SLC24A2: variants seen among roughly 807,000 people sequenced by gnomAD.
SLC24A2 encodes the protein sodium/potassium/calcium exchanger 2.
SLC24A2 carries 36 observed loss-of-function variants against 62.0 expected under a neutral mutation model. The observed-to-expected ratio is 0.58, with a 90% confidence interval of 0.44 to 0.77. SLC24A2 has a LOEUF of 0.77. Among genes scored for constraint, SLC24A2 ranks in the 30% least tolerant of loss-of-function variants. The pLI, the probability that SLC24A2 is intolerant of heterozygous loss-of-function variation, is 0.00. For missense variants in SLC24A2, 846 were observed against 817.9 expected (o/e 1.03, Z -0.42); for synonymous variants, 358 against 294.0 (o/e 1.22, Z -2.23).
the SLC24A2 span, among the ~76,000 whole-genome samples, chr9:20,028,644 C>T: frequency 2.6e-5 from 4 of 152,178 alleles, no homozygotes; most frequent in African/African-American, 7.2e-5. Context: ...CTTCTGCCCC[C>T]GCCTTGCAGA....
At chr9:20,040,929 C>G in the SLC24A2 span, among the ~76,000 whole-genome samples, 1 of 152,224 alleles carries the variant, frequency 6.6e-6, no homozygotes, top group Non-Finnish European at 1.5e-5. Context: ...GTCACACAAC[C>G]TATATGAAGG....
intron 5 of SLC24A2, among the ~76,000 whole-genome samples, chr9:19,591,674 G>T (rs892300432): frequency 6.6e-6 from 1 of 152,198 alleles, no homozygotes; most frequent in African/African-American, 2.4e-5. Flanking sequence ...AGGTGCCCTT[G>T]AGGTTACAAA....
the SLC24A2 span, among the ~76,000 whole-genome samples, chr9:20,079,892 TA>T: frequency 1.3e-5 from 2 of 152,142 alleles, no homozygotes; most frequent in African/African-American, 4.8e-5. Context: ...ACAAAGAGAA[TA>T]AAATACCTAG....
intron 2 of SLC24A2, among the ~76,000 whole-genome samples, chr9:19,735,704 T>C (rs1296330925): frequency 2.6e-5 from 4 of 152,142 alleles, no homozygotes; most frequent in African/African-American, 7.2e-5. Context: ...TCATGTCCTT[T>C]GTAGGGACAT....
chr9:20,150,882 C>G, the SLC24A2 span, among the ~76,000 whole-genome samples: 1 of 151,846 alleles, frequency 6.6e-6, no homozygotes, highest in Non-Finnish European at 1.5e-5. Context: ...ATAAAACACA[C>G]TGAAACATAA....
chr9:20,012,566 G>A, the SLC24A2 span, among the ~76,000 whole-genome samples: 1 of 151,740 alleles, frequency 6.6e-6, no homozygotes. Flanking sequence ...ACAATAAAAG[G>A]CAACATCATA....
At chr9:19,819,321 A>C in the SLC24A2 span, among the ~76,000 whole-genome samples, 1 of 152,184 alleles carries the variant, frequency 6.6e-6, no homozygotes, top group African/African-American at 2.4e-5. Flanking sequence ...CCCCAAAGCA[A>C]ATGCAATAAA....
chr9:19,895,752 G>C, the SLC24A2 span: 2 of 1,501,462 alleles, frequency 1.3e-6, no homozygotes, highest in East Asian at 4.9e-5. Context: ...GGGGCTGGGC[G>C]GCCCAGTCCC....
the SLC24A2 span, among the ~76,000 whole-genome samples, chr9:20,271,180 A>G: frequency 6.6e-6 from 1 of 152,030 alleles, no homozygotes; most frequent in Non-Finnish European, 1.5e-5. Flanking sequence ...CTCCTCTCCC[A>G]TCTAAATTAA....
chr9:19,939,555 T>C, the SLC24A2 span, among the ~76,000 whole-genome samples: 2 of 152,106 alleles, frequency 1.3e-5, no homozygotes, highest in Non-Finnish European at 2.9e-5. Context: ...TCTGGGTGAG[T>C]CAGTGAGTGA....
intron 2 of SLC24A2, among the ~76,000 whole-genome samples, chr9:19,630,570 A>G (rs974424552): frequency 4.6e-5 from 7 of 152,146 alleles, no homozygotes; most frequent in Non-Finnish European, 1.0e-4. Context: ...CCTCATTAAT[A>G]TAGCAGATTA....
the SLC24A2 span, among the ~76,000 whole-genome samples, chr9:20,034,016 A>G: frequency 6.6e-6 from 1 of 152,192 alleles, no homozygotes; most frequent in African/African-American, 2.4e-5. Context: ...TTAGCACTGT[A>G]GATATTTTTC....
At chr9:19,546,624 C>T (rs375889111) in intron 8 of SLC24A2, among the ~76,000 whole-genome samples, 12 of 152,080 alleles carry the variant, frequency 7.9e-5, no homozygotes, top group African/African-American at 1.2e-4. Context: ...TGCTGGACTC[C>T]GTGGGGGTTG....
At chr9:19,945,455 T>G in the SLC24A2 span, among the ~76,000 whole-genome samples, 1 of 152,202 alleles carries the variant, frequency 6.6e-6, no homozygotes, top group African/African-American at 2.4e-5. Flanking sequence ...CCCAATGCAT[T>G]TTGCATTTAT....
chr9:19,553,123 T>C (rs1834924669), intron 7 of SLC24A2, among the ~76,000 whole-genome samples: 1 of 152,188 alleles, frequency 6.6e-6, no homozygotes, highest in South Asian at 2.1e-4. Flanking sequence ...GCTGTTGGCA[T>C]ACATTAGGTG....
At chr9:20,209,265 A>T in the SLC24A2 span, among the ~76,000 whole-genome samples, 1 of 152,206 alleles carries the variant, frequency 6.6e-6, no homozygotes, top group Non-Finnish European at 1.5e-5. Flanking sequence ...CTTGATTAGC[A>T]TGTTAAGGAC....
At chr9:19,601,727 C>A (rs547309785) in intron 4 of SLC24A2, among the ~76,000 whole-genome samples, 1 of 152,146 alleles carries the variant, frequency 6.6e-6, no homozygotes, top group South Asian at 2.1e-4. Flanking sequence ...AGTTTGGAGC[C>A]TTACAGACCT....
chr9:19,836,628 C>A, the SLC24A2 span, among the ~76,000 whole-genome samples: 1 of 152,188 alleles, frequency 6.6e-6, no homozygotes, highest in African/African-American at 2.4e-5. Flanking sequence ...GATGGATTCA[C>A]AGCCGAATTC....
At chr9:19,550,570 T>C (rs966138979) in intron 7 of SLC24A2, among the ~76,000 whole-genome samples, 8 of 152,224 alleles carry the variant, frequency 5.3e-5, no homozygotes, top group African/African-American at 1.9e-4. Flanking sequence ...CACGAGCTTC[T>C]TATAACAAAC....
Sources: gnomAD v4.1 joint callset for allele counts (sites outside exome capture counted in the v4.1 genomes callset) on GRCh38, gnomAD v4.1.1 for gene constraint, MANE v1.5 for transcripts, NCBI Gene and HGNC (gene_info 2026-07-23, HGNC 2026-07-21) for gene names.